Variants in TTC28 observed in about 807,000 individuals in gnomAD.
TTC28 encodes tetratricopeptide repeat domain 28.
TTC28 carries 61 observed loss-of-function variants against 198.0 expected under a neutral mutation model. That is an observed-to-expected ratio of 0.31 (90% confidence interval 0.25 to 0.38). The LOEUF (loss-of-function observed/expected upper bound fraction) is 0.38. Among genes scored for constraint, TTC28 ranks in the 10% least tolerant of loss-of-function variants. TTC28 has a pLI of 1.00. For synonymous variants in TTC28, 1,171 were observed against 1,297.8 expected (o/e 0.90, Z 2.10); for missense variants, 2,678 against 3,164.0 (o/e 0.85, Z 3.69).
Position 28,120,689 on chromosome 22 carries a change from G to A in TTC28, c.1442-12286C>T, listed in dbSNP as rs540559436. Among the ~76,000 whole-genome samples, 100 of 152,306 alleles carry A rather than the reference G, an allele frequency of 6.6e-4. 2 individuals carry two copies. Among genetic ancestry groups the A allele is most frequent in the Non-Finnish European group, 1.2e-3 (79 of 68,020 alleles). ...AATAGAAAGCCCTGAAAATGAACAG[G>A]AAAAGGGAGAAACAGCAGAAGAGCT... is the stretch of plus-strand genomic sequence containing the variant. On this transcript the variant is annotated intron_variant, in intron 6 of 22. Coordinates refer to ENST00000397906, the MANE Select transcript of TTC28 (RefSeq NM_001145418.2).
intron 2 of TTC28, among the ~76,000 whole-genome samples, chr22:28,355,145 A>G (rs1473279069): frequency 1.3e-5 from 2 of 151,974 alleles, no homozygotes; most frequent in African/African-American, 4.8e-5. Flanking sequence ...TCATACAAAC[A>G]CTATGCTATG....
At chr22:28,533,933 G>A (rs1295662735) in intron 2 of TTC28, among the ~76,000 whole-genome samples, 1 of 152,158 alleles carries the variant, frequency 6.6e-6, no homozygotes, top group African/African-American at 2.4e-5. Context: ...AGACTTAAAT[G>A]TTAGACCTAA....
In TTC28 at chr22:28,139,187, G is replaced by A. The variant is rs559101585; in HGVS notation, c.1441+23905C>T. ...GCTGGAGGACACAATCCTGAGTCTC[G>A]AAAGGCCTAGTACCAGGCCTTCAGA... is the stretch of plus-strand genomic sequence containing the variant. On this transcript the variant is annotated intron_variant, in intron 6 of 22. Coordinates refer to ENST00000397906, the MANE Select transcript of TTC28 (RefSeq NM_001145418.2). Among the ~76,000 whole-genome samples the A allele has an allele frequency of 5.9e-5, 9 of 152,248 alleles. No individual in the cohort carries two copies. In the South Asian group the frequency reaches 1.5e-3, roughly 25 times the overall value.
intron 2 of TTC28, among the ~76,000 whole-genome samples, chr22:28,339,380 C>T (rs1428412398): frequency 6.6e-6 from 1 of 152,192 alleles, no homozygotes; most frequent in Non-Finnish European, 1.5e-5. Context: ...CTCAGATCTC[C>T]AGCTGCATGC....
At chr22:28,582,583 A>C (rs984266190) in intron 2 of TTC28, among the ~76,000 whole-genome samples, 4 of 152,184 alleles carry the variant, frequency 2.6e-5, no homozygotes, top group Non-Finnish European at 5.9e-5. Context: ...TTTCAGGGTA[A>C]CCTAACATGA....
chr22:28,600,601 T>C (rs2050624394), intron 2 of TTC28, among the ~76,000 whole-genome samples: 1 of 152,318 alleles, frequency 6.6e-6, no homozygotes, highest in South Asian at 2.1e-4. Context: ...ATAATATGTA[T>C]TGAATATTTA....
At chr22:28,038,535 C>T (rs1288644807) in intron 12 of TTC28, among the ~76,000 whole-genome samples, 1 of 152,188 alleles carries the variant, frequency 6.6e-6, no homozygotes, top group Non-Finnish European at 1.5e-5. Flanking sequence ...GGATTAAAGA[C>T]TTAAATGTTA....
intron 2 of TTC28, among the ~76,000 whole-genome samples, chr22:28,595,433 T>A (rs540966578): frequency 3.3e-4 from 50 of 152,290 alleles, no homozygotes; most frequent in African/African-American, 1.1e-3. Context: ...AATGAATTCT[T>A]TCTTATTTGT....
intron 2 of TTC28, among the ~76,000 whole-genome samples, chr22:28,387,480 C>T (rs983213450): frequency 1.4e-4 from 22 of 152,174 alleles, no homozygotes; most frequent in African/African-American, 3.6e-4. Context: ...AGTGTTCCTA[C>T]TTCTCCACAT....
At chr22:28,064,297 C>T (rs1358824040) in intron 12 of TTC28, among the ~76,000 whole-genome samples, 2 of 152,142 alleles carry the variant, frequency 1.3e-5, no homozygotes, top group African/African-American at 4.8e-5. Context: ...GGTGGTATCA[C>T]TGACACACAA....
At chr22:28,101,105 A>G (rs866523892) in intron 9 of TTC28, 66 bp downstream of exon 9, 4 of 1,219,318 alleles carry the variant, frequency 3.3e-6, no homozygotes, top group Middle Eastern at 1.9e-4. Context: ...CTACTAGGAC[A>G]GTAATCCTAA....
chr22:28,401,104 G>A (rs550823885), intron 2 of TTC28, among the ~76,000 whole-genome samples: 116 of 151,822 alleles, frequency 7.6e-4, no homozygotes, highest in Non-Finnish European at 1.6e-3. Context: ...AGATGGTACA[G>A]AGTTGTTTAT....
chr22:28,155,480 A>C (rs1569166588), intron 6 of TTC28, among the ~76,000 whole-genome samples: 2 of 152,254 alleles, frequency 1.3e-5, no homozygotes, highest in African/African-American at 2.4e-5. Context: ...ATTTATGTTC[A>C]AATATAAATA....
intron 13 of TTC28, among the ~76,000 whole-genome samples, chr22:28,019,678 G>T (rs1230619137): frequency 6.6e-6 from 1 of 152,240 alleles, no homozygotes; most frequent in East Asian, 1.9e-4. Flanking sequence ...GCCACAGAGG[G>T]CCGGGGGCTC....
At chr22:28,058,785 A>G (rs1361704575) in intron 12 of TTC28, among the ~76,000 whole-genome samples, 1 of 152,054 alleles carries the variant, frequency 6.6e-6, no homozygotes, top group East Asian at 1.9e-4. Flanking sequence ...AATTTAATAG[A>G]CATAGGGCTA....
intron 12 of TTC28, among the ~76,000 whole-genome samples, chr22:28,091,668 T>C (rs1941818776): frequency 1.3e-5 from 2 of 152,064 alleles, no homozygotes; most frequent in Admixed American, 1.3e-4. Flanking sequence ...GTCACCGTGC[T>C]CTCTTAGATC....
intron 2 of TTC28, among the ~76,000 whole-genome samples, chr22:28,484,970 G>C (rs1044327043): frequency 6.6e-6 from 1 of 152,070 alleles, no homozygotes; most frequent in South Asian, 2.1e-4. Context: ...GGTTCTCAAA[G>C]TCCAGTATAT....
intron 6 of TTC28, among the ~76,000 whole-genome samples, chr22:28,136,825 G>A (rs1257357779): frequency 1.3e-5 from 2 of 152,170 alleles, no homozygotes; most frequent in African/African-American, 4.8e-5. Flanking sequence ...ACAGAGACTG[G>A]AGAACTGCAC....
intron 14 of TTC28, 93 bp from the exon 15 acceptor site, chr22:28,001,646 C>A: frequency 7.1e-7 from 1 of 1,416,048 alleles, no homozygotes; most frequent in South Asian, 1.3e-5. Context: ...CTGGATGACA[C>A]AAGCACGAGC....
Sources: gnomAD v4.1 joint callset for allele counts (sites outside exome capture counted in the v4.1 genomes callset) on GRCh38, gnomAD v4.1.1 for gene constraint, MANE v1.5 for transcripts, NCBI Gene and HGNC (gene_info 2026-07-23, HGNC 2026-07-21) for gene names.